TENM3: variants seen among roughly 807,000 people sequenced by gnomAD.
TENM3 encodes teneurin transmembrane protein 3.
A neutral mutation model predicts 255.1 loss-of-function variants in TENM3; 63 were observed. The observed-to-expected ratio is 0.25, with a 90% CI of 0.20 to 0.30. TENM3 has a LOEUF of 0.30. Ranked by LOEUF, TENM3 falls within the 10% of genes least tolerant of loss-of-function variation. The pLI, the probability that TENM3 is intolerant of heterozygous loss-of-function variation, is 1.00. For synonymous variants in TENM3, 1,306 were observed against 1,322.3 expected (o/e 0.99, Z 0.27); for missense variants, 2,929 against 3,461.1 (o/e 0.85, Z 3.86).
chr4:181,527,757 CCCA>C, the TENM3 span, among the ~76,000 whole-genome samples: 6 of 151,288 alleles, frequency 4.0e-5, no homozygotes, highest in South Asian at 1.3e-3. Context: ...TCATAATTCT[CCCA>C]CCAAGAAAAT....
In TENM3 at chr4:182,609,801, T is replaced by C. The variant is rs956529137; in HGVS notation, c.749+8640T>C. Among the ~76,000 whole-genome samples, 3 of 148,990 alleles carry C rather than the reference T, an allele frequency of 2.0e-5. No homozygotes were observed. In the Admixed American group the frequency reaches 2.0e-4, roughly 10 times the overall value. On this transcript the variant is annotated intron_variant, in intron 4 of 27. Transcript: ENST00000511685. ...GTGTTTCCATAAAATGGGATTGTAA[T>C]ACTTCACAACGACTTTATAAGGGTT...
the TENM3 span, among the ~76,000 whole-genome samples, chr4:182,106,941 C>T: frequency 1.3e-5 from 2 of 152,012 alleles, no homozygotes; most frequent in Non-Finnish European, 1.5e-5. Flanking sequence ...GAGAACTCTG[C>T]TACAATACAG....
At chr4:182,794,752 A>C (rs964524359) in intron 26 of TENM3, among the ~76,000 whole-genome samples, 2 of 152,214 alleles carry the variant, frequency 1.3e-5, no homozygotes, top group African/African-American at 4.8e-5. Flanking sequence ...GCCACCATGG[A>C]ACAACCAGCA....
intron 1 of TENM3, among the ~76,000 whole-genome samples, chr4:182,270,824 A>G (rs1479047749): frequency 1.3e-5 from 2 of 152,072 alleles, no homozygotes; most frequent in Non-Finnish European, 2.9e-5. Context: ...AATATTCTTA[A>G]TTTTTTAATA....
chr4:182,471,513 T>G (rs1580667690), intron 3 of TENM3, among the ~76,000 whole-genome samples: 1 of 152,136 alleles, frequency 6.6e-6, no homozygotes, highest in Non-Finnish European at 1.5e-5. Context: ...CACAATGGTA[T>G]GTATTGGTGT....
the TENM3 span, among the ~76,000 whole-genome samples, chr4:182,024,698 C>A: frequency 6.6e-6 from 1 of 152,194 alleles, no homozygotes; most frequent in East Asian, 1.9e-4. Flanking sequence ...ACAAACAATC[C>A]AATTATACTC....
At chr4:182,010,145 T>C in the TENM3 span, among the ~76,000 whole-genome samples, 3 of 152,248 alleles carry the variant, frequency 2.0e-5, no homozygotes, top group African/African-American at 7.2e-5. Flanking sequence ...TCGGCCATCT[T>C]GGCCCCGCCC....
intron 3 of TENM3, among the ~76,000 whole-genome samples, chr4:182,569,072 G>A (rs760383505): frequency 3.8e-4 from 58 of 152,126 alleles, no homozygotes; most frequent in Non-Finnish European, 2.5e-4. Context: ...TTGGATGGCC[G>A]TTAGCCAGGC....
At chr4:181,879,189 GT>G in the TENM3 span, among the ~76,000 whole-genome samples, 150 of 152,204 alleles carry the variant, frequency 9.9e-4, 1 homozygote, top group South Asian at 0.018. Context: ...ACACTGTCAA[GT>G]GACATAAATT....
chr4:181,775,187 A>G, the TENM3 span, among the ~76,000 whole-genome samples: 7 of 152,118 alleles, frequency 4.6e-5, no homozygotes, highest in Non-Finnish European at 1.0e-4. Flanking sequence ...TCTTGACACT[A>G]CACTCCCATC....
chr4:182,768,132 C>T (rs1161148794), intron 22 of TENM3, among the ~76,000 whole-genome samples: 5 of 152,200 alleles, frequency 3.3e-5, no homozygotes, highest in East Asian at 3.8e-4. Flanking sequence ...AAAGAGCCCA[C>T]CTCCAGAGTT....
the TENM3 span, among the ~76,000 whole-genome samples, chr4:181,949,013 G>A: frequency 2.0e-5 from 3 of 151,954 alleles, no homozygotes; most frequent in South Asian, 2.1e-4. Context: ...AGATTTACCC[G>A]CCAGTACAAA....
intron 3 of TENM3, among the ~76,000 whole-genome samples, chr4:182,444,644 G>A (rs572546336): frequency 1.4e-3 from 207 of 152,250 alleles, no homozygotes; most frequent in African/African-American, 4.5e-3. Flanking sequence ...TGAAAACACA[G>A]GAGAAATCGA....
the TENM3 span, among the ~76,000 whole-genome samples, chr4:181,641,554 G>GTGTGTA: frequency 2.2e-4 from 6 of 26,904 alleles, no homozygotes; most frequent in Non-Finnish European, 3.9e-4. Flanking sequence ...TGGTGTGTGT[G>GTGTGTA]TATATATATA....
At chr4:182,681,083 T>C (rs1213807584) in intron 10 of TENM3, among the ~76,000 whole-genome samples, 1 of 152,148 alleles carries the variant, frequency 6.6e-6, no homozygotes, top group African/African-American at 2.4e-5. Context: ...CATTTTGACA[T>C]CTCTAGAAAG....
intron 3 of TENM3, among the ~76,000 whole-genome samples, chr4:182,516,465 C>T (rs1204624105): frequency 6.6e-6 from 1 of 152,162 alleles, no homozygotes; most frequent in African/African-American, 2.4e-5. Context: ...TTTATAATGC[C>T]TTTATTAGTT....
At chr4:181,979,765 G>A in the TENM3 span, among the ~76,000 whole-genome samples, 14 of 152,288 alleles carry the variant, frequency 9.2e-5, no homozygotes, top group East Asian at 7.7e-4. Flanking sequence ...CAGAGAAGTC[G>A]AGTGACTTGC....
chr4:182,418,329 A>T (rs1479727764), intron 3 of TENM3, among the ~76,000 whole-genome samples: 1 of 152,222 alleles, frequency 6.6e-6, no homozygotes, highest in Non-Finnish European at 1.5e-5. Context: ...AGCTGAAAAG[A>T]ACGGATTCTC....
chr4:182,189,389 C>G (rs958364874), intron 1 of TENM3, among the ~76,000 whole-genome samples: 20 of 152,122 alleles, frequency 1.3e-4, no homozygotes, highest in Non-Finnish European at 7.3e-5. Flanking sequence ...GATTTTCACT[C>G]TACATACTAC....
Sources: gnomAD v4.1 joint callset for allele counts (sites outside exome capture counted in the v4.1 genomes callset) on GRCh38, gnomAD v4.1.1 for gene constraint, MANE v1.5 for transcripts, NCBI Gene and HGNC (gene_info 2026-07-23, HGNC 2026-07-21) for gene names.